The following SNTB2 variants were observed in gnomAD, a reference collection of about 807,000 sequenced individuals.
SNTB2 encodes beta-2-syntrophin.
In SNTB2, 34 loss-of-function variants were observed where a neutral mutation model predicts 46.2. The ratio of observed to expected loss-of-function variants is 0.74; its 90% CI spans 0.56 to 0.98. SNTB2 has a LOEUF of 0.98. SNTB2 is among the 50% of genes least tolerant of loss of function. The pLI is 0.00. For missense variants in SNTB2, 603 were observed against 731.4 expected (o/e 0.82, Z 2.02); for synonymous variants, 290 against 312.6 (o/e 0.93, Z 0.76).
rs181990044 is a variant in SNTB2, at chr16:69,297,236, G to A, written c.1346-2354G>A. ...GCATGAGAATTGCTTGAACCCGGGA[G>A]GCAGAGGTTGCAGTCAGCTGAGATT... On this transcript the variant is annotated intron_variant, in intron 5 of 6. Coordinates refer to ENST00000336278, the MANE Select transcript of SNTB2 (RefSeq NM_006750.4). Among the ~76,000 whole-genome samples, 584 of 148,178 alleles carry A rather than the reference G, an allele frequency of 3.9e-3. 6 individuals are homozygous for A. The highest frequency in any genetic ancestry group is 0.014 in the African/African-American group (558 of 40,212).
In SNTB2 at chr16:69,291,069, C is replaced by A. The variant is rs143194974; in HGVS notation, c.1345+6825C>A. ...CTTTGACCAAATAGCAATAAGAGAA[C>A]ACAGTGTCATGTTCTTTTCTGTGAC... On this transcript the variant is annotated intron_variant, in intron 5 of 6. Coordinates refer to ENST00000336278, the MANE Select transcript of SNTB2 (RefSeq NM_006750.4). Among the ~76,000 whole-genome samples the A allele has an allele frequency of 1.8e-3, 277 of 152,312 alleles. 1 individual carries two copies. The highest frequency in any genetic ancestry group is 3.4e-3 in the Middle Eastern group (1 of 294).
chr16:69,266,144 C>T (rs1330953895), intron 3 of SNTB2, among the ~76,000 whole-genome samples: 1 of 152,018 alleles, frequency 6.6e-6, no homozygotes. Context: ...GTGGGTGGAT[C>T]ACCTGAAGTC....
chr16:69,228,325 G>A (rs947598507), intron 1 of SNTB2, among the ~76,000 whole-genome samples: 1 of 151,780 alleles, frequency 6.6e-6, no homozygotes, highest in Admixed American at 6.6e-5. Context: ...GGCCAACATG[G>A]TGAAACCCCA....
chr16:69,225,570 G>A (rs1020084860), intron 1 of SNTB2, among the ~76,000 whole-genome samples: 1 of 152,082 alleles, frequency 6.6e-6, no homozygotes, highest in African/African-American at 2.4e-5. Flanking sequence ...GTGTAACATT[G>A]TATTTACACC....
intron 5 of SNTB2, among the ~76,000 whole-genome samples, chr16:69,299,174 G>C: frequency 7.1e-6 from 1 of 141,530 alleles, no homozygotes; most frequent in South Asian, 2.2e-4. Context: ...AGACAGTCTT[G>C]CTCTGTCGCC....
At chr16:69,260,474 C>T (rs1268153216) in intron 3 of SNTB2, among the ~76,000 whole-genome samples, 1 of 152,184 alleles carries the variant, frequency 6.6e-6, no homozygotes, top group East Asian at 1.9e-4. Context: ...AAGTAGCTGA[C>T]ATAGTAATCA....
chr16:69,261,891 T>C (rs1483603250), intron 3 of SNTB2, among the ~76,000 whole-genome samples: 2 of 152,152 alleles, frequency 1.3e-5, no homozygotes, highest in Non-Finnish European at 2.9e-5. Context: ...TTGAATCTTT[T>C]GAGAGTTTCT....
chr16:69,299,420 C>T (rs958703545), intron 5 of SNTB2, among the ~76,000 whole-genome samples, 170 bp from the exon 6 acceptor site: 1 of 152,092 alleles, frequency 6.6e-6, no homozygotes, highest in Non-Finnish European at 1.5e-5. Context: ...GGATTACAGG[C>T]GTGAGCCACC....
chr16:69,292,545 A>G (rs1447565583), intron 5 of SNTB2, among the ~76,000 whole-genome samples: 1 of 144,556 alleles, frequency 6.9e-6, no homozygotes, highest in Admixed American at 6.9e-5. Flanking sequence ...GGGTTCAAGC[A>G]ATTCTCCTGC....
At position 69,284,043 on chromosome 16, in the gene SNTB2, C is replaced by T. The variant is rs1965075904; in HGVS notation, c.1149-5C>T. 2 of 1,607,624 alleles carry T rather than the reference C, an allele frequency of 1.2e-6. No homozygotes were observed. The highest frequency in any genetic ancestry group is 1.7e-5 in the Admixed American group (1 of 59,518). On this transcript the variant is annotated splice_polypyrimidine_tract_variant and splice_region_variant and intron_variant, in intron 4 of 6. Transcript: ENST00000336278. ...TTTTGATCTCTGCTCTGTTTGTGGT[C>T]CTAGGTTGGTTCATTCTGGCTCCGG...
chr16:69,220,469 A>G (rs949127378), intron 1 of SNTB2, among the ~76,000 whole-genome samples: 10 of 151,628 alleles, frequency 6.6e-5, no homozygotes, highest in Non-Finnish European at 1.5e-4. Flanking sequence ...CAAGAAAGTC[A>G]GATTTATTGA....
At chr16:69,213,481 T>C (rs949661893) in intron 1 of SNTB2, among the ~76,000 whole-genome samples, 3 of 150,750 alleles carry the variant, frequency 2.0e-5, no homozygotes, top group Non-Finnish European at 4.4e-5. Context: ...TAGTCTGTAC[T>C]ATGATAAATA....
chr16:69,231,037 C>G (rs746712613), intron 1 of SNTB2: 1 of 151,948 alleles, frequency 6.6e-6, no homozygotes, highest in Non-Finnish European at 1.5e-5. Context: ...GCCACCGCGC[C>G]CAGCACCAAC....
At chr16:69,269,859 C>T (rs1964921983) in intron 3 of SNTB2, among the ~76,000 whole-genome samples, 1 of 151,536 alleles carries the variant, frequency 6.6e-6, no homozygotes, top group South Asian at 2.1e-4. Context: ...GACCCTATCT[C>T]AAAAAAAGAA....
intron 1 of SNTB2, among the ~76,000 whole-genome samples, chr16:69,212,987 T>C (rs1964304891): frequency 6.6e-6 from 1 of 152,242 alleles, no homozygotes; most frequent in Admixed American, 6.5e-5. Flanking sequence ...TAGTGCTTAA[T>C]ATACTGAGTC....
rs57637291 is a variant in SNTB2, at chr16:69,279,515, C to CTTTTTTTTTTTTTTTTTTT, written c.1149-4523_1149-4505dup. ...TATACCAAGAAGTGGGTCCTTTGCC[C>CTTTTTTTTTTTTTTTTTTT]TTTTTTTTTTTTTTTTTTTTTTTTT... On this transcript the variant is annotated intron_variant, in intron 4 of 6. Coordinates refer to ENST00000336278, the MANE Select transcript of SNTB2 (RefSeq NM_006750.4). Among the ~76,000 whole-genome samples the CTTTTTTTTTTTTTTTTTTT allele has an allele frequency of 4.2e-4, 30 of 71,734 alleles. 4 individuals carry two copies. The highest frequency in any genetic ancestry group is 5.9e-4 in the Non-Finnish European group (23 of 39,020). 47.1% of individuals were successfully genotyped at this position (71,734 alleles called of 152,430 possible). A position where few individuals can be genotyped will look rare whatever the true frequency, so the allele number is the denominator to read the frequency against.
Position 69,213,370 on chromosome 16 carries a change from A to G in SNTB2, c.580+25624A>G, listed in dbSNP as rs143858564. On this transcript the variant is annotated intron_variant, in intron 1 of 6. Coordinates refer to ENST00000336278, the MANE Select transcript of SNTB2 (RefSeq NM_006750.4). ...TTTGCCTGTGATAGGTTTCTTCAGA[A>G]AATGCTTACTCAGTGGGTTGATAAT... 2.0e-5 allele frequency among the ~76,000 whole-genome samples: 3 copies of G among 152,254 alleles called. No individual in the cohort carries two copies. The East Asian group carries it at 5.8e-4, about 29-fold the overall frequency.
At chr16:69,271,201 C>T (rs1964934125) in intron 4 of SNTB2, among the ~76,000 whole-genome samples, 1 of 152,072 alleles carries the variant, frequency 6.6e-6, no homozygotes, top group Non-Finnish European at 1.5e-5. Flanking sequence ...ATATTTTTCA[C>T]ATGGCCTTCC....
chr16:69,265,741 T>C (rs1567410435), intron 3 of SNTB2, among the ~76,000 whole-genome samples: 2 of 149,884 alleles, frequency 1.3e-5, no homozygotes, highest in African/African-American at 2.5e-5. Flanking sequence ...GCAGGAGAAT[T>C]GTTTGAACCT....
Sources: gnomAD v4.1 joint callset for allele counts (sites outside exome capture counted in the v4.1 genomes callset) on GRCh38, gnomAD v4.1.1 for gene constraint, MANE v1.5 for transcripts, NCBI Gene and HGNC (gene_info 2026-07-23, HGNC 2026-07-21) for gene names.